Variants in KLHL5 observed in about 807,000 individuals in gnomAD.
KLHL5 encodes the protein kelch like family member 5, also known as kelch-like protein 5.
A neutral mutation model predicts 77.7 loss-of-function variants in KLHL5; 48 were observed. The ratio of observed to expected loss-of-function variants is 0.62; its 90% CI spans 0.49 to 0.79. The LOEUF (loss-of-function observed/expected upper bound fraction) is 0.79. KLHL5 is among the 30% of genes least tolerant of loss of function. The pLI is 0.00. For missense variants in KLHL5, 723 were observed against 859.7 expected (o/e 0.84, Z 1.99); for synonymous variants, 260 against 297.0 (o/e 0.88, Z 1.28).
rs1577764758 is a variant in KLHL5, at chr4:39,124,333, A to G, written c.*3267A>G. ...ACCCTAGAATTTATATGGGATTGCA[A>G]GTTACTGAAGGTACTCAAGTCTGTT... On this transcript the variant is annotated 3_prime_UTR_variant, in exon 11 of 11. Transcript: ENST00000504108. 6.6e-6 allele frequency among the ~76,000 whole-genome samples: 1 copy of G among 152,332 alleles called. No homozygotes were observed. Among genetic ancestry groups the G allele is most frequent in the South Asian group, 2.1e-4 (1 of 4,830 alleles).
At chr4:39,100,295 C>G (rs1158948267) in intron 6 of KLHL5, among the ~76,000 whole-genome samples, 2 of 152,204 alleles carry the variant, frequency 1.3e-5, no homozygotes, top group African/African-American at 2.4e-5. Flanking sequence ...CTCATTCTCT[C>G]TCTGTCTCTC....
At chr4:39,082,550 G>A (rs1038161312) in intron 4 of KLHL5, among the ~76,000 whole-genome samples, 11 of 152,170 alleles carry the variant, frequency 7.2e-5, no homozygotes, top group African/African-American at 2.7e-4. Flanking sequence ...TATTGGTAGA[G>A]GACAAATGGG....
upstream of KLHL5, chr4:39,045,000 C>T: frequency 1.0e-6 from 1 of 992,590 alleles, no homozygotes; most frequent in African/African-American, 1.7e-5. Context: ...CCGAGCATCC[C>T]ACTCAGCTCG....
chr4:39,104,326 T>G (rs62310321), intron 7 of KLHL5, among the ~76,000 whole-genome samples: 1 of 152,172 alleles, frequency 6.6e-6, no homozygotes, highest in South Asian at 2.1e-4. Flanking sequence ...ACATTACTCC[T>G]GAGTCCATAA....
At chr4:39,107,991 T>C (rs929425644) in intron 8 of KLHL5, among the ~76,000 whole-genome samples, 4 of 151,320 alleles carry the variant, frequency 2.6e-5, no homozygotes, top group African/African-American at 9.7e-5. Context: ...TATTAATAAG[T>C]TGTACTATAA....
intron 9 of KLHL5, among the ~76,000 whole-genome samples, chr4:39,113,926 T>G (rs934175465): frequency 1.3e-5 from 2 of 152,098 alleles, no homozygotes; most frequent in Non-Finnish European, 2.9e-5. Flanking sequence ...GGTTTTGGAC[T>G]ATAAAGAAAA....
chr4:39,082,036 T>A lies in KLHL5; in HGVS notation c.777T>A (p.Val259=), dbSNP rs923726080. The change falls in exon 4 of 11, where the codon GTT becomes GTA. Residue 259 remains valine, a synonymous_variant. Transcript: ENST00000504108. Reference sequence around the variant, plus strand: ...CTTGCCTTCTTCAGCTTTCACAGGTTGTAGAAGCATGCTGTAAGTTTTTAA... The same window carrying A: ...CTTGCCTTCTTCAGCTTTCACAGGTAGTAGAAGCATGCTGTAAGTTTTTAA... ...STACLLQLSQ[V]VEACCKFLMK... 2.5e-6 allele frequency: 4 copies of A among 1,613,980 alleles called. No individual in the cohort carries two copies. Among genetic ancestry groups the A allele is most frequent in the Non-Finnish European group, 3.4e-6 (4 of 1,179,926 alleles).
chr4:39,072,915 G>A (rs1718622221), intron 1 of KLHL5, among the ~76,000 whole-genome samples: 1 of 152,030 alleles, frequency 6.6e-6, no homozygotes, highest in South Asian at 2.1e-4. Context: ...CTAAAAGAGA[G>A]GGCTTTAAAT....
At chr4:39,136,041 A>T in the KLHL5 span, among the ~76,000 whole-genome samples, 66,935 of 133,390 alleles carry the variant, frequency 0.5, 15,603 homozygotes, top group Non-Finnish European at 0.56. Context: ...TGTGTGTGTG[A>T]GATCGCCACT....
chr4:39,101,911 C>T (rs1037463351), intron 6 of KLHL5, among the ~76,000 whole-genome samples: 2 of 142,928 alleles, frequency 1.4e-5, no homozygotes, highest in Non-Finnish European at 3.0e-5. Context: ...CACACACACA[C>T]ATATATATAT....
intron 10 of KLHL5, among the ~76,000 whole-genome samples, chr4:39,116,919 C>A (rs1722880322): frequency 6.6e-6 from 1 of 152,176 alleles, no homozygotes; most frequent in Non-Finnish European, 1.5e-5. Flanking sequence ...TCACTGCAAC[C>A]TTCACCTCCC....
intron 5 of KLHL5, among the ~76,000 whole-genome samples, chr4:39,094,208 A>G (rs760444365): frequency 1.1e-4 from 16 of 152,074 alleles, no homozygotes. Context: ...GTAAAGTAAT[A>G]GGTTAATACA....
chr4:39,060,078 G>T (rs1717284099), upstream of KLHL5, among the ~76,000 whole-genome samples: 1 of 151,814 alleles, frequency 6.6e-6, no homozygotes, highest in Non-Finnish European at 1.5e-5. Flanking sequence ...TAATAAATTG[G>T]TTTTTTTACA....
chr4:39,096,805 A>G lies in KLHL5; in HGVS notation c.1227A>G (p.Gln409=), dbSNP rs766874329. 1.2e-6 allele frequency: 2 copies of G among 1,614,016 alleles called. No homozygotes were observed. The highest frequency in any genetic ancestry group is 2.2e-5 in the South Asian group (2 of 91,082). Residue 409 remains glutamine (Q), a synonymous_variant, in exon 6 of 11, where the codon CAA becomes CAG. Transcript: ENST00000504108. The part of the protein sequence containing the change: ...HLLPERRPML[Q]SPRTKPRKST... The stretch of plus-strand genomic sequence containing the variant: ...TACCAGAGAGACGACCCATGTTACA[A>G]AGTCCTCGGACAAAACCTAGGAAGT...
chr4:39,103,213 G>C (rs890787391), intron 6 of KLHL5, 74 bp from the exon 7 acceptor site: 2 of 1,012,184 alleles, frequency 2.0e-6, no homozygotes, highest in South Asian at 1.5e-5. Flanking sequence ...TTATATTTTT[G>C]TATCTGTAAT....
chr4:39,113,390 T>A, intron 9 of KLHL5, 158 bp downstream of exon 9: 1 of 613,908 alleles, frequency 1.6e-6, no homozygotes. Context: ...TCACAGGAAG[T>A]GATACTTCCA....
rs988546617 is a variant in KLHL5 at position 39,125,076 on chromosome 4, A to G, written c.*4010A>G. Among the ~76,000 whole-genome samples, 3 of 152,122 alleles carry G rather than the reference A, an allele frequency of 2.0e-5. No homozygotes were observed. The highest frequency in any genetic ancestry group is 7.2e-5 in the African/African-American group (3 of 41,414). On this transcript the variant is annotated 3_prime_UTR_variant, in exon 11 of 11. Coordinates refer to ENST00000504108, the MANE Select transcript of KLHL5 (RefSeq NM_015990.5). ...AAGCACATGGAAAGCACTCAACCTCATCAGTCATTATGCAAATCAGCGCCA... is the reference window on the plus strand; with the variant it reads ...AAGCACATGGAAAGCACTCAACCTCGTCAGTCATTATGCAAATCAGCGCCA...
chr4:39,086,920 T>C (rs1410418184), intron 5 of KLHL5, among the ~76,000 whole-genome samples, 193 bp downstream of exon 5: 1 of 142,520 alleles, frequency 7.0e-6, no homozygotes, highest in Non-Finnish European at 1.5e-5. Context: ...TTTTTTTTTT[T>C]TTTTTTTTGA....
upstream of KLHL5, among the ~76,000 whole-genome samples, chr4:39,060,373 G>T (rs1053873878): frequency 6.6e-6 from 1 of 152,100 alleles, no homozygotes; most frequent in Admixed American, 6.6e-5. Context: ...ATTGCCAGAT[G>T]TTTGCTGTCT....
Sources: allele counts gnomAD v4.1 joint callset (sites outside exome capture counted in the v4.1 genomes callset), GRCh38; gene constraint gnomAD v4.1.1; transcripts MANE v1.5; gene names NCBI Gene and HGNC (gene_info 2026-07-23, HGNC 2026-07-21).